Variants in PHF8 observed in about 807,000 individuals in gnomAD.
PHF8 encodes the protein histone lysine demethylase PHF8.
Under a neutral mutation model 74.4 loss-of-function variants are expected in PHF8, and 9 were observed. The observed-to-expected ratio is 0.12, with a 90% CI of 0.07 to 0.21. PHF8 has a LOEUF of 0.21. Ranked by LOEUF, PHF8 falls within the 10% of genes least tolerant of loss-of-function variation. The probability of loss-of-function intolerance (pLI) is 1.00; values close to 1 mark genes in which losing one functional copy is unlikely to be tolerated. For synonymous variants in PHF8, 311 were observed against 316.6 expected, an observed-to-expected ratio of 0.98 and a Z score of 0.19; for missense variants, 478 against 816.6, an observed-to-expected ratio of 0.59 and a Z score of 5.05.
intron 8 of PHF8, among the ~76,000 whole-genome samples, chrX:54,007,955 T>C (rs2065921007): frequency 8.9e-6 from 1 of 112,350 alleles, no homozygotes; most frequent in Admixed American, 9.5e-5. Context: ...CGTACACGAA[T>C]GTTCATAGCA....
At chrX:53,987,462 C>G (rs782640791) in intron 15 of PHF8, among the ~76,000 whole-genome samples, 2 of 112,060 alleles carry the variant, frequency 1.8e-5, no homozygotes, top group Admixed American at 1.9e-4. Context: ...GTAATCCCAG[C>G]ACTTTGGGAG....
intron 18 of PHF8, among the ~76,000 whole-genome samples, chrX:53,968,701 G>T (rs782155967): frequency 8.9e-6 from 1 of 111,936 alleles, no homozygotes; most frequent in South Asian, 3.7e-4. Flanking sequence ...CTGAGGTCAG[G>T]AGTTCGAGAT....
At chrX:54,044,938 TG>T, upstream of PHF8, 1 of 1,084,535 alleles carries the variant, frequency 9.2e-7, no homozygotes, top group Non-Finnish European at 1.3e-6. Context: ...TCTGCGTTGT[TG>T]GTTCTTCCCC....
At chrX:53,958,957 T>A (rs1311856626) in intron 19 of PHF8, among the ~76,000 whole-genome samples, 1 of 110,076 alleles carries the variant, frequency 9.1e-6, no homozygotes, top group African/African-American at 3.3e-5. Flanking sequence ...AACATTTACA[T>A]ATAAAGATAT....
At chrX:54,041,341 G>A (rs1401002299) in intron 2 of PHF8, among the ~76,000 whole-genome samples, 1 of 105,858 alleles carries the variant, frequency 9.4e-6, no homozygotes, top group African/African-American at 3.5e-5. Flanking sequence ...CTGAGATCAT[G>A]CCATTGCACT....
At chrX:54,003,657 C>A (rs1484215234) in intron 8 of PHF8, among the ~76,000 whole-genome samples, 1 of 111,808 alleles carries the variant, frequency 8.9e-6, no homozygotes, top group Non-Finnish European at 1.9e-5. Flanking sequence ...GCCACTGCAC[C>A]CGGCCTATAT....
intron 21 of PHF8, 100 bp from the exon 22 acceptor site, chrX:53,939,346 A>T: frequency 1.5e-6 from 1 of 662,354 alleles, no homozygotes; most frequent in Non-Finnish European, 2.3e-6. Flanking sequence ...CTGTTTCTCT[A>T]CCCACAAAGT....
At chrX:54,022,190 TG>T in intron 4 of PHF8, 68 bp downstream of exon 4, 1 of 627,712 alleles carries the variant, frequency 1.6e-6, no homozygotes, top group East Asian at 3.2e-5. Context: ...CTGGGAAAGC[TG>T]GGAAGAGGTG....
Position 54,044,307 on chromosome X carries a change from G to T in PHF8, c.-638C>A, listed in dbSNP as rs909509000. 41 of 753,917 alleles carry T rather than the reference G, an allele frequency of 5.4e-5. No homozygotes were observed. The highest frequency in any genetic ancestry group is 6.3e-5 in the Non-Finnish European group (40 of 638,868). The allele number at this position is 753,917 out of a possible 1,213,427, so 62.1% of individuals were successfully genotyped here. Reference sequence around the variant, plus strand: ...AAAAGTCGCTGGGAGAAGCCCAGTGGCGGTGGTAGGCAATTCGGAGTAGTC... The same window carrying T: ...AAAAGTCGCTGGGAGAAGCCCAGTGTCGGTGGTAGGCAATTCGGAGTAGTC... On this transcript the variant is annotated 5_prime_UTR_variant, in exon 1 of 22. Coordinates refer to ENST00000338154, the MANE Select transcript of PHF8 (RefSeq NM_015107.3).
In PHF8 at chrX:54,016,678, C is replaced by T. The variant is rs1557108302; in HGVS notation, c.513G>A (p.Lys171=). ...AATAGTATTTCACAAAATCACCAAG[C>T]TTCATCTTGCAGTCAGCCTGGCGGG... ...DVTRQADCKM[K]LGDFVKYYYS... The change falls in exon 6 of 22, where the codon AAG becomes AAA. Residue 171 remains lysine (K), a synonymous_variant. Coordinates refer to ENST00000338154, the MANE Select transcript of PHF8 (RefSeq NM_015107.3). 1 of 1,198,844 alleles carries T rather than the reference C, an allele frequency of 8.3e-7. No homozygotes were observed. Among genetic ancestry groups the T allele is most frequent in the East Asian group, 3.0e-5 (1 of 33,766 alleles).
chrX:54,037,225 C>T (rs1269649383), intron 2 of PHF8, among the ~76,000 whole-genome samples: 1 of 111,232 alleles, frequency 9.0e-6, no homozygotes, highest in African/African-American at 3.3e-5. Context: ...CTGACAAATA[C>T]GAAGACAAAT....
At chrX:53,995,497 C>T (rs782779339) in intron 12 of PHF8, among the ~76,000 whole-genome samples, 196 bp downstream of exon 12, 2 of 112,325 alleles carry the variant, frequency 1.8e-5, no homozygotes, top group African/African-American at 3.2e-5. Flanking sequence ...GCACTATTTA[C>T]GTATTTTAAG....
At chrX:54,024,320 G>A (rs1039781248) in intron 2 of PHF8, among the ~76,000 whole-genome samples, 2 of 111,750 alleles carry the variant, frequency 1.8e-5, no homozygotes, top group East Asian at 2.8e-4. Context: ...GTAAGTATCC[G>A]GTTTCACAGT....
intron 2 of PHF8, among the ~76,000 whole-genome samples, chrX:54,024,143 C>T (rs2066225830): frequency 8.9e-6 from 1 of 111,858 alleles, no homozygotes; most frequent in South Asian, 3.7e-4. Flanking sequence ...CACAGCATGG[C>T]CAGTCGCGGT....
At chrX:53,954,341 A>C (rs1002585070) in intron 19 of PHF8, among the ~76,000 whole-genome samples, 1 of 108,004 alleles carries the variant, frequency 9.3e-6, no homozygotes, top group African/African-American at 3.4e-5. Flanking sequence ...CTACTAAAAA[A>C]TACAAAAAAT....
intron 19 of PHF8, among the ~76,000 whole-genome samples, chrX:53,960,509 G>C (rs2149793837): frequency 9.2e-6 from 1 of 108,728 alleles, no homozygotes; most frequent in Non-Finnish European, 1.9e-5. Flanking sequence ...CAGCACTTTG[G>C]GAGGCTGAAG....
chrX:54,022,087 A>G (rs1377559627), intron 4 of PHF8, among the ~76,000 whole-genome samples, 172 bp downstream of exon 4: 1 of 111,155 alleles, frequency 9.0e-6, no homozygotes, highest in Admixed American at 9.6e-5. Context: ...CCTCCCAACT[A>G]CCAGAAGTTT....
At chrX:54,007,752 G>A (rs915785867) in intron 8 of PHF8, among the ~76,000 whole-genome samples, 5 of 112,112 alleles carry the variant, frequency 4.5e-5, no homozygotes, top group Admixed American at 1.9e-4. Context: ...ACAGCAATAA[G>A]CATTGGGGGA....
upstream of PHF8, among the ~76,000 whole-genome samples, chrX:54,047,912 G>A (rs782220622): frequency 6.2e-5 from 7 of 112,056 alleles, no homozygotes; most frequent in African/African-American, 9.7e-5. Flanking sequence ...AGTGTTGGCC[G>A]GGTGTGGTGG....
Sources: gnomAD v4.1 joint callset for allele counts (sites outside exome capture counted in the v4.1 genomes callset) on GRCh38, gnomAD v4.1.1 for gene constraint, MANE v1.5 for transcripts, NCBI Gene and HGNC (gene_info 2026-07-23, HGNC 2026-07-21) for gene names.